The following WDPCP variants were observed in gnomAD, a reference collection of about 807,000 sequenced individuals.
The protein encoded by WDPCP is WD repeat-containing and planar cell polarity effector protein fritz homolog.
Under a neutral mutation model 93.1 loss-of-function variants are expected in WDPCP, and 71 were observed. That is an observed-to-expected ratio of 0.76 (90% CI 0.63 to 0.93). WDPCP has a LOEUF of 0.93. Ranked by LOEUF, WDPCP falls within the 40% of genes least tolerant of loss-of-function variation. WDPCP has a pLI of 0.00. For missense variants in WDPCP, 844 were observed against 887.4 expected (o/e 0.95, Z 0.62); for synonymous variants, 315 against 315.0 (o/e 1.00, Z 0.00).
Position 63,722,301 on chromosome 2 carries a change from C to G in WDPCP, n.309-71463G>C, listed in dbSNP as rs868204697. Reference sequence around the variant, plus strand: ...GAAGTGAGGAGCACCTCTGCCCGGCCGCCATCACATCTAGGAAGTGAGGAG... The same window carrying G: ...GAAGTGAGGAGCACCTCTGCCCGGCGGCCATCACATCTAGGAAGTGAGGAG... On this transcript the variant is annotated intron_variant and non_coding_transcript_variant, in intron 2 of 4. Transcript: ENST00000467687. Among the ~76,000 whole-genome samples, 8 of 150,698 alleles carry G rather than the reference C, an allele frequency of 5.3e-5. 1 individual carries two copies. The highest frequency in any genetic ancestry group is 3.5e-3 in the Middle Eastern group (1 of 288).
intron 14 of WDPCP, chr2:63,228,391 T>TC (rs1370180539): frequency 2.0e-4 from 22 of 110,060 alleles, no homozygotes; most frequent in African/African-American, 5.2e-4. Context: ...CTTTTTCTTT[T>TC]TTTTTTTTTT....
chr2:63,393,460 C>A (rs1693450663), intron 10 of WDPCP, among the ~76,000 whole-genome samples: 1 of 151,922 alleles, frequency 6.6e-6, no homozygotes, highest in Non-Finnish European at 1.5e-5. Flanking sequence ...AGTAAACCAA[C>A]ATGTCACATG....
intron 9 of WDPCP, among the ~76,000 whole-genome samples, chr2:63,409,056 CT>C (rs1694821145): frequency 1.3e-5 from 2 of 152,184 alleles, no homozygotes; most frequent in African/African-American, 2.4e-5. Flanking sequence ...AGCTGATGCT[CT>C]CTGGAAAGCG....
intron 3 of WDPCP, among the ~76,000 whole-genome samples, chr2:63,635,809 T>C (rs1177889032): frequency 1.3e-5 from 2 of 152,190 alleles, no homozygotes; most frequent in African/African-American, 4.8e-5. Flanking sequence ...CAGACAAGGA[T>C]GTCCTCTCTT....
At chr2:63,575,557 G>GTGTATGCAC (rs1708046190) in intron 1 of WDPCP, among the ~76,000 whole-genome samples, 1 of 140,176 alleles carries the variant, frequency 7.1e-6, no homozygotes, top group Non-Finnish European at 1.6e-5. Flanking sequence ...AGTATATACA[G>GTGTATGCAC]TATATATACT....
intron 1 of WDPCP, among the ~76,000 whole-genome samples, chr2:63,520,286 G>A (rs1702831655): frequency 6.6e-6 from 1 of 152,144 alleles, no homozygotes. Context: ...AGGGAGGAAG[G>A]GAAACCTAGC....
intron 2 of WDPCP, among the ~76,000 whole-genome samples, chr2:63,788,043 AAAATAAAATAAAAT>A (rs1575773196): frequency 1.3e-5 from 2 of 152,144 alleles, no homozygotes; most frequent in East Asian, 1.9e-4. Context: ...TCTGTCTCAA[AAAATAAAATAAAAT>A]AAATAAAATA....
At chr2:63,193,398 T>C (rs572993077) in intron 14 of WDPCP, among the ~76,000 whole-genome samples, 1 of 152,330 alleles carries the variant, frequency 6.6e-6, no homozygotes, top group East Asian at 1.9e-4. Flanking sequence ...TTGTGGAAAA[T>C]AGATCAAGAG....
intron 2 of WDPCP, among the ~76,000 whole-genome samples, chr2:63,663,046 T>C (rs994367222): frequency 1.4e-4 from 21 of 152,244 alleles, no homozygotes; most frequent in African/African-American, 4.6e-4. Flanking sequence ...CTAGCCATGT[T>C]ATGTCATACC....
intron 14 of WDPCP, among the ~76,000 whole-genome samples, chr2:63,182,393 T>C (rs2104104448): frequency 6.6e-6 from 1 of 152,244 alleles, no homozygotes; most frequent in African/African-American, 2.4e-5. Flanking sequence ...TCTGTATCTA[T>C]TGAGATATTT....
At chr2:63,520,174 AC>A (rs1181095851) in intron 1 of WDPCP, among the ~76,000 whole-genome samples, 1 of 152,222 alleles carries the variant, frequency 6.6e-6, no homozygotes, top group Non-Finnish European at 1.5e-5. Context: ...ACTCAGTCAG[AC>A]AAAAATAAAG....
intron 14 of WDPCP, among the ~76,000 whole-genome samples, chr2:63,230,784 G>GGA (rs1165728538): frequency 6.6e-6 from 1 of 152,100 alleles, no homozygotes; most frequent in Non-Finnish European, 1.5e-5. Flanking sequence ...TGATGGGGTT[G>GGA]ATTTTTTCTT....
intron 3 of WDPCP, among the ~76,000 whole-genome samples, chr2:63,487,002 T>C (rs1700610975): frequency 6.6e-6 from 1 of 152,040 alleles, no homozygotes; most frequent in Admixed American, 6.6e-5. Context: ...GAAGTAACTC[T>C]AGCTAGAAAG....
intron 3 of WDPCP, among the ~76,000 whole-genome samples, chr2:63,640,921 G>A (rs911441023): frequency 3.3e-5 from 5 of 152,098 alleles, no homozygotes; most frequent in East Asian, 3.9e-4. Flanking sequence ...TCATGCTTTC[G>A]AACTATTTTT....
intron 9 of WDPCP, among the ~76,000 whole-genome samples, chr2:63,405,335 A>G (rs1199821186): frequency 1.3e-5 from 2 of 152,226 alleles, no homozygotes; most frequent in Non-Finnish European, 2.9e-5. Context: ...ACATTAAAAA[A>G]TTAAGACCTA....
intron 1 of WDPCP, among the ~76,000 whole-genome samples, chr2:63,511,655 C>T (rs964071237): frequency 6.6e-6 from 1 of 152,152 alleles, no homozygotes; most frequent in African/African-American, 2.4e-5. Context: ...GGAAAGGATT[C>T]CCTATTTAAT....
At chr2:63,795,412 T>A (rs1323118367) in intron 2 of WDPCP, among the ~76,000 whole-genome samples, 1 of 151,264 alleles carries the variant, frequency 6.6e-6, no homozygotes. Context: ...ACATCTATAA[T>A]CCCAGCTACT....
At chr2:63,494,990 G>C (rs1701139433) in intron 1 of WDPCP, among the ~76,000 whole-genome samples, 1 of 151,494 alleles carries the variant, frequency 6.6e-6, no homozygotes, top group Non-Finnish European at 1.5e-5. Flanking sequence ...AGTGGATAGT[G>C]ATAGGTGAAG....
At chr2:63,791,597 C>T (rs1670547002) in intron 2 of WDPCP, among the ~76,000 whole-genome samples, 1 of 152,142 alleles carries the variant, frequency 6.6e-6, no homozygotes, top group African/African-American at 2.4e-5. Flanking sequence ...TAGAATAACA[C>T]TGAGATTAGC....
Sources: gnomAD v4.1 joint callset for allele counts (sites outside exome capture counted in the v4.1 genomes callset) on GRCh38, gnomAD v4.1.1 for gene constraint, MANE v1.5 for transcripts, NCBI Gene and HGNC (gene_info 2026-07-23, HGNC 2026-07-21) for gene names.